CCAR1: variants seen among roughly 807,000 people sequenced by gnomAD.
CCAR1 encodes the protein cell division cycle and apoptosis regulator protein 1.
CCAR1 carries 78 observed loss-of-function variants against 163.8 expected under a neutral mutation model. The ratio of observed to expected loss-of-function variants is 0.48; its 90% CI spans 0.40 to 0.57. CCAR1 has a LOEUF of 0.57. Among genes scored for constraint, CCAR1 ranks in the 20% least tolerant of loss-of-function variants. The pLI, the probability that CCAR1 is intolerant of heterozygous loss-of-function variation, is 0.00. For synonymous variants in CCAR1, 443 were observed against 460.7 expected (o/e 0.96, Z 0.49); for missense variants, 1,019 against 1,365.2 (o/e 0.75, Z 4.00).
intron 16 of CCAR1, among the ~76,000 whole-genome samples, chr10:68,764,482 C>G (rs993211387): frequency 6.6e-6 from 1 of 151,814 alleles, no homozygotes; most frequent in African/African-American, 2.4e-5. Flanking sequence ...TATTTGTGAG[C>G]TATGATCACA....
intron 17 of CCAR1, among the ~76,000 whole-genome samples, chr10:68,766,436 C>T (rs898038189): frequency 2.0e-5 from 3 of 151,790 alleles, no homozygotes; most frequent in African/African-American, 7.3e-5. Context: ...CTCCTGACCT[C>T]AGGTGATCTG....
intron 12 of CCAR1, chr10:68,755,073 G>A: frequency 4.9e-6 from 3 of 617,774 alleles, no homozygotes; most frequent in Non-Finnish European, 5.8e-6. Context: ...TAGAATATTA[G>A]TGGTAATAGG....
chr10:68,747,170 A>C lies in CCAR1; in HGVS notation c.528A>C (p.Lys176Asn). The C allele has an allele frequency of 6.4e-7, 1 of 1,574,778 alleles. No homozygotes were observed. The highest frequency in any genetic ancestry group is 1.2e-5 in the South Asian group (1 of 84,132). ...CTTTTTTTTTTTACAGTGCTGTCAA[A>C]GGGAAAACCCCCCAAGTAGGTGACA... ...EDVFFQLSAV[K>N]GKTPQVGDRV... The change falls in exon 7 of 25, where the codon AAA becomes AAC. Residue 176 changes from lysine (K) to asparagine (N), a missense_variant. Physicochemically the swap from Lys to Asn is moderately conservative, Grantham distance 94. This residue lies in a region of CCAR1 where 644 missense variants were observed against 904.4 expected (regional missense o/e 0.71). Transcript: ENST00000265872.
chr10:68,721,833 G>GA (rs1158981755), intron 1 of CCAR1, among the ~76,000 whole-genome samples: 5 of 152,182 alleles, frequency 3.3e-5, no homozygotes, highest in African/African-American at 1.2e-4. Flanking sequence ...CACGGGCGGA[G>GA]AATCTTCGCC....
Position 68,749,183 on chromosome 10 carries a change from G to T in CCAR1, c.874G>T (p.Ala292Ser). Reference protein sequence around the residue: ...PVRIVSQPQPARRLDPPSRFS... With the variant: ...PVRIVSQPQPSRRLDPPSRFS... ...TCGTATAGTTTCACAGCCACAACCG[G>T]CACGACGATTAGATCCCCCATCCCG... Residue 292 changes from alanine (A) to serine (S), a missense_variant, in exon 9 of 25, where the codon GCA becomes TCA. This residue lies in a region of CCAR1 where 644 missense variants were observed against 904.4 expected (regional missense o/e 0.71). Coordinates refer to ENST00000265872, the MANE Select transcript of CCAR1 (RefSeq NM_018237.4). 9 of 1,613,758 alleles carry T rather than the reference G, an allele frequency of 5.6e-6. No individual in the cohort carries two copies. Among genetic ancestry groups the T allele is most frequent in the Non-Finnish European group, 7.6e-6 (9 of 1,179,912 alleles).
intron 2 of CCAR1, among the ~76,000 whole-genome samples, chr10:68,724,514 T>C (rs1349569183): frequency 6.6e-6 from 1 of 152,054 alleles, no homozygotes; most frequent in Admixed American, 6.6e-5. Context: ...GATCTTGAAC[T>C]TTTGGGCTCA....
At chr10:68,722,379 TTC>T (rs1564524630) in intron 1 of CCAR1, 74 bp from the exon 2 acceptor site, 7 of 796,222 alleles carry the variant, frequency 8.8e-6, no homozygotes, top group Non-Finnish European at 1.6e-5. Context: ...CATTAAACAT[TTC>T]TTTCTATTGT....
chr10:68,776,863 G>C (rs955589679), intron 19 of CCAR1, among the ~76,000 whole-genome samples: 14 of 152,098 alleles, frequency 9.2e-5, no homozygotes, highest in Non-Finnish European at 1.9e-4. Context: ...TCTCATATCA[G>C]ACTTCTCTCC....
intron 16 of CCAR1, among the ~76,000 whole-genome samples, chr10:68,765,162 TG>T (rs1411847610): frequency 3.9e-5 from 6 of 152,216 alleles, no homozygotes; most frequent in African/African-American, 1.4e-4. Flanking sequence ...CCTATGTCTT[TG>T]TTGTCCCTCT....
At chr10:68,737,544 G>A (rs1290852830) in intron 3 of CCAR1, among the ~76,000 whole-genome samples, 1 of 148,586 alleles carries the variant, frequency 6.7e-6, no homozygotes, top group African/African-American at 2.5e-5. Context: ...AAATTTTTAA[G>A]TCCTTAAATT....
At chr10:68,723,564 A>G (rs897152654) in intron 2 of CCAR1, among the ~76,000 whole-genome samples, 3 of 151,760 alleles carry the variant, frequency 2.0e-5, no homozygotes, top group African/African-American at 7.3e-5. Context: ...TTAAAAGTAA[A>G]TGGGCCGGGC....
chr10:68,786,182 C>T lies in CCAR1; in HGVS notation c.2697C>T (p.Ile899=), dbSNP rs1201885808. 1 of 1,611,716 alleles carries T rather than the reference C, an allele frequency of 6.2e-7. No homozygotes were observed. Among genetic ancestry groups the T allele is most frequent in the Non-Finnish European group, 8.5e-7 (1 of 1,178,316 alleles). ...CCAAACGAGATGACAAAAGAGATAT[C>T]AACAGATACTGCAAGGAGAGGCCCT... ...EMTKRDDKRD[I]NRYCKERPSK... Residue 899 remains isoleucine, a synonymous_variant, in exon 20 of 25, where the codon ATC becomes ATT. Coordinates refer to ENST00000265872, the MANE Select transcript of CCAR1 (RefSeq NM_018237.4).
At chr10:68,729,218 T>C (rs746584765) in intron 2 of CCAR1, among the ~76,000 whole-genome samples, 1 of 152,038 alleles carries the variant, frequency 6.6e-6, no homozygotes, top group Non-Finnish European at 1.5e-5. Context: ...ATTTAAAGTA[T>C]TATTTTGTAG....
Position 68,792,151 on chromosome 10 carries a change from T to G in CCAR1, c.*885T>G, listed in dbSNP as rs1280149500. ...AGAAGCAATAGAGAACTAGTATTGT[T>G]CTTTATGGGTTAGACTTTACATAAT... On this transcript the variant is annotated 3_prime_UTR_variant, in exon 25 of 25. Coordinates refer to ENST00000265872, the MANE Select transcript of CCAR1 (RefSeq NM_018237.4). 6.6e-6 allele frequency: 1 copy of G among 152,114 alleles called. No homozygotes were observed. Among genetic ancestry groups the G allele is most frequent in the Non-Finnish European group, 1.5e-5 (1 of 68,018 alleles). 9.4% of individuals were successfully genotyped at this position (152,114 alleles called of 1,614,324 possible).
At chr10:68,752,568 T>C (rs982523125) in intron 10 of CCAR1, among the ~76,000 whole-genome samples, 2 of 152,126 alleles carry the variant, frequency 1.3e-5, no homozygotes, top group Admixed American at 6.5e-5. Flanking sequence ...CAGAATCATA[T>C]CCAAATAAAG....
chr10:68,758,502 CAGTG>C (rs1376883860), intron 15 of CCAR1, among the ~76,000 whole-genome samples: 3 of 101,204 alleles, frequency 3.0e-5, no homozygotes, highest in Admixed American at 2.1e-4. Context: ...CCATCCTGGG[CAGTG>C]TGTGTGTGTG....
rs755694371 is a variant in CCAR1, at chr10:68,761,041, C to T, written c.1955C>T (p.Ala652Val). ...CTCCGAAAAGAATTAGAAAGTCGAG[C>T]TCTTAGTTCCAAAGGATTAAAATCC... is the stretch of plus-strand genomic sequence containing the variant. ...NDLRKELESR[A>V]LSSKGLKSQL... Residue 652 changes from alanine (A) to valine (V), a missense_variant, in exon 16 of 25, where the codon GCT (alanine) becomes GTT (valine). Coordinates refer to ENST00000265872, the MANE Select transcript of CCAR1 (RefSeq NM_018237.4). 8 of 1,563,720 alleles carry T rather than the reference C, an allele frequency of 5.1e-6. No homozygotes were observed. Among genetic ancestry groups the T allele is most frequent in the Non-Finnish European group, 3.5e-6 (4 of 1,156,262 alleles).
intron 11 of CCAR1, 74 bp from the exon 12 acceptor site, chr10:68,754,634 TTAAAGA>T: frequency 1.4e-6 from 1 of 705,558 alleles, no homozygotes; most frequent in Non-Finnish European, 2.5e-6. Flanking sequence ...CATCTTATAT[TTAAAGA>T]TAATTAGTAG....
chr10:68,786,074 T>C (rs2056791819), intron 19 of CCAR1, 62 bp from the exon 20 acceptor site: 2 of 1,095,806 alleles, frequency 1.8e-6, no homozygotes, highest in African/African-American at 3.1e-5. Flanking sequence ...CATGTGCCAC[T>C]GTGCCCACTT....
Sources: gnomAD v4.1 joint callset for allele counts (sites outside exome capture counted in the v4.1 genomes callset) on GRCh38, gnomAD v4.1.1 for gene constraint, gnomAD v4.1.1 regional missense constraint, MANE v1.5 for transcripts, NCBI Gene and HGNC (gene_info 2026-07-23, HGNC 2026-07-21) for gene names.